SIK2: variants seen among roughly 807,000 people sequenced by gnomAD.
SIK2 encodes salt inducible kinase 2, also known as serine/threonine-protein kinase SIK2.
In SIK2, 29 loss-of-function variants were observed where a neutral mutation model predicts 103.2. The ratio of observed to expected loss-of-function variants is 0.28; its 90% confidence interval spans 0.21 to 0.38. The LOEUF (loss-of-function observed/expected upper bound fraction) is 0.38, where lower values mean the gene tolerates loss of function less well. Ranked by LOEUF, SIK2 falls within the 10% of genes least tolerant of loss-of-function variation. The pLI is 1.00. For synonymous variants in SIK2, 412 were observed against 446.1 expected, an observed-to-expected ratio of 0.92 and a Z score of 0.96; for missense variants, 879 against 1,171.0, an observed-to-expected ratio of 0.75 and a Z score of 3.64.
chr11:111,615,733 A>G (rs1018202881), intron 1 of SIK2, among the ~76,000 whole-genome samples: 5 of 152,196 alleles, frequency 3.3e-5, no homozygotes, highest in African/African-American at 1.2e-4. Flanking sequence ...AGAAAGTCCA[A>G]TTGTATTTTC....
At chr11:111,604,885 G>C (rs1277220280) in intron 1 of SIK2, among the ~76,000 whole-genome samples, 4 of 152,062 alleles carry the variant, frequency 2.6e-5, no homozygotes, top group Non-Finnish European at 5.9e-5. Flanking sequence ...GGTAGAGAGG[G>C]ATAAGTGAAA....
chr11:111,651,606 G>C (rs1366941743), intron 3 of SIK2, among the ~76,000 whole-genome samples: 3 of 152,140 alleles, frequency 2.0e-5, no homozygotes, highest in Non-Finnish European at 4.4e-5. Context: ...TGATGAGTCG[G>C]TAGGTGTGGC....
At chr11:111,708,546 T>G (rs1943412715) in intron 8 of SIK2, among the ~76,000 whole-genome samples, 1 of 152,128 alleles carries the variant, frequency 6.6e-6, no homozygotes, top group Admixed American at 6.5e-5. Flanking sequence ...CGTCATATTT[T>G]TTTCTCATAC....
intron 3 of SIK2, among the ~76,000 whole-genome samples, chr11:111,663,833 G>C (rs1056928472): frequency 1.3e-5 from 2 of 152,160 alleles, no homozygotes; most frequent in Non-Finnish European, 2.9e-5. Flanking sequence ...CTAATTATTT[G>C]ATCCTTATAA....
intron 10 of SIK2, 42 bp from the exon 11 acceptor site, chr11:111,720,436 T>C: frequency 1.9e-6 from 3 of 1,543,110 alleles, no homozygotes; most frequent in Non-Finnish European, 2.6e-6. Flanking sequence ...TCCAAGGAGA[T>C]GCTATTGCTG....
At position 111,728,772 on chromosome 11, in the gene SIK2, A is replaced by C. The variant is rs920561934; in HGVS notation, c.*4643A>C. ...ACGCCGTCTCTACTAAAAATACAAAAAATTAGCCGGGCGTGGTGGTGGGCG... is the reference window on the plus strand; with the variant it reads ...ACGCCGTCTCTACTAAAAATACAAACAATTAGCCGGGCGTGGTGGTGGGCG... On this transcript the variant is annotated 3_prime_UTR_variant, in exon 15 of 15. Coordinates refer to ENST00000304987, the MANE Select transcript of SIK2 (RefSeq NM_015191.3). 4 of 152,066 alleles carry C rather than the reference A, an allele frequency of 2.6e-5. No homozygotes were observed. The highest frequency in any genetic ancestry group is 4.4e-5 in the Non-Finnish European group (3 of 68,040). 9.4% of individuals were successfully genotyped at this position (152,066 alleles called of 1,614,324 possible).
rs1269061199 is a variant in SIK2 at position 111,703,298 on chromosome 11, G to A, written c.823G>A (p.Val275Ile). ...IKEHKWMLIE[V>I]PVQRPVLYPQ... ...GGAGCATAAATGGATGCTCATAGAA[G>A]TTCCTGTCCAGAGACCTGTTCTCTA... Residue 275 changes from valine to isoleucine, a missense_variant, in exon 7 of 15, where the codon GTT becomes ATT. Transcript: ENST00000304987. 3 of 1,614,172 alleles carry A rather than the reference G, an allele frequency of 1.9e-6. No homozygotes were observed. The highest frequency in any genetic ancestry group is 1.3e-5 in the African/African-American group (1 of 75,060).
chr11:111,698,792 C>T (rs1943142076), intron 4 of SIK2, among the ~76,000 whole-genome samples: 1 of 152,206 alleles, frequency 6.6e-6, no homozygotes, highest in Non-Finnish European at 1.5e-5. Context: ...TAAAACTCAT[C>T]CTGTGATTAT....
At chr11:111,684,469 T>C (rs1323968114) in intron 3 of SIK2, among the ~76,000 whole-genome samples, 1 of 152,164 alleles carries the variant, frequency 6.6e-6, no homozygotes, top group Non-Finnish European at 1.5e-5. Context: ...TTTGGACAAG[T>C]CAGTCATTTG....
intron 3 of SIK2, among the ~76,000 whole-genome samples, chr11:111,675,622 A>G (rs1341302523): frequency 6.6e-6 from 1 of 152,214 alleles, no homozygotes; most frequent in South Asian, 2.1e-4. Context: ...CTTTTCATGA[A>G]CTTGTTTTCC....
intron 3 of SIK2, among the ~76,000 whole-genome samples, chr11:111,651,650 A>C (rs1942327873): frequency 6.6e-6 from 1 of 152,216 alleles, no homozygotes; most frequent in South Asian, 2.1e-4. Context: ...CTGTGTAACA[A>C]ACCTGCACAT....
At chr11:111,658,635 C>A (rs1160098838) in intron 3 of SIK2, among the ~76,000 whole-genome samples, 1 of 151,996 alleles carries the variant, frequency 6.6e-6, no homozygotes, top group Non-Finnish European at 1.5e-5. Context: ...CCTAGCTACT[C>A]AGAGGCTGAG....
At chr11:111,679,741 G>A (rs1942752815) in intron 3 of SIK2, among the ~76,000 whole-genome samples, 1 of 152,140 alleles carries the variant, frequency 6.6e-6, no homozygotes. Context: ...CATCTAATGG[G>A]ACTTCCTTTC....
intron 3 of SIK2, among the ~76,000 whole-genome samples, chr11:111,655,035 C>T (rs934309355): frequency 6.6e-6 from 1 of 152,174 alleles, no homozygotes; most frequent in African/African-American, 2.4e-5. Flanking sequence ...CATTGTTCTA[C>T]AATGAAGCAA....
At chr11:111,653,133 G>C (rs879562164) in intron 3 of SIK2, among the ~76,000 whole-genome samples, 4 of 152,126 alleles carry the variant, frequency 2.6e-5, no homozygotes, top group Admixed American at 2.6e-4. Flanking sequence ...TGAGGGTCAA[G>C]TTAGGCCAAC....
chr11:111,688,307 A>T lies in SIK2; in HGVS notation c.478+145A>T. The stretch of plus-strand genomic sequence containing the variant: ...CAAAGTCCATTTTATTCATTTCCTT[A>T]GTTCTGTGTGTAATTAAAAGTAAGG... On this transcript the variant is annotated intron_variant, in intron 4 of 14. Coordinates refer to ENST00000304987, the MANE Select transcript of SIK2 (RefSeq NM_015191.3). This position sits in a 1 kb window ranked among gnomAD's most constrained non-coding sequence, Gnocchi z 4.2. 1.3e-6 allele frequency: 1 copy of T among 783,308 alleles called. No homozygotes were observed. Among genetic ancestry groups the T allele is most frequent in the Non-Finnish European group, 2.0e-6 (1 of 491,688 alleles). The allele number at this position is 783,308 out of a possible 1,614,324, so 48.5% of individuals were successfully genotyped here.
At chr11:111,657,835 T>C (rs933799195) in intron 3 of SIK2, among the ~76,000 whole-genome samples, 4 of 151,976 alleles carry the variant, frequency 2.6e-5, no homozygotes, top group African/African-American at 7.3e-5. Flanking sequence ...GCAGTTCAGG[T>C]TGGCTAGAGC....
intron 9 of SIK2, among the ~76,000 whole-genome samples, chr11:111,718,085 A>C (rs1412063031): frequency 9.8e-5 from 15 of 152,330 alleles, no homozygotes; most frequent in Non-Finnish European, 4.4e-5. Flanking sequence ...TTGAAGAAAA[A>C]AAAAGAACTT....
At chr11:111,687,910 A>T in intron 3 of SIK2, 91 bp from the exon 4 acceptor site, 2 of 1,467,532 alleles carry the variant, frequency 1.4e-6, no homozygotes, top group Non-Finnish European at 1.9e-6. Context: ...TGGCCAGAAA[A>T]AAAACTTTTT....
Sources: allele counts gnomAD v4.1 joint callset (sites outside exome capture counted in the v4.1 genomes callset), GRCh38; gene constraint gnomAD v4.1.1; non-coding constraint Gnocchi (gnomAD v3.1); transcripts MANE v1.5; gene names NCBI Gene and HGNC (gene_info 2026-07-23, HGNC 2026-07-21).